The following LRSAM1 variants were observed in gnomAD, a reference collection of about 807,000 sequenced individuals.
LRSAM1 encodes the protein E3 ubiquitin-protein ligase LRSAM1.
A neutral mutation model predicts 118.1 loss-of-function variants in LRSAM1; 96 were observed. The ratio of observed to expected loss-of-function variants is 0.81; its 90% CI spans 0.69 to 0.96. LRSAM1 has a LOEUF of 0.96. LRSAM1 is among the 40% of genes least tolerant of loss of function. The pLI is 0.00. For missense variants in LRSAM1, 804 were observed against 915.5 expected (o/e 0.88, Z 1.57); for synonymous variants, 322 against 364.2 (o/e 0.88, Z 1.32).
chr9:127,497,216 C>G (rs1389905157), intron 23 of LRSAM1, 37 bp from the exon 24 acceptor site: 1 of 1,609,620 alleles, frequency 6.2e-7, no homozygotes, highest in Non-Finnish European at 8.5e-7. Context: ...CGGGCTCCCG[C>G]CCAGGCCACA....
chr9:127,457,304 C>T lies in LRSAM1; in HGVS notation c.175-12C>T, dbSNP rs1167547039. On this transcript the variant is annotated splice_polypyrimidine_tract_variant and intron_variant, in intron 5 of 25. Coordinates refer to ENST00000300417, the MANE Select transcript of LRSAM1 (RefSeq NM_001005373.4). ...TCCTCAGCCCAGCATGGCCGCACATCTCTCCACACAGGTGCTGATCGTCCA... is the reference window on the plus strand; with the variant it reads ...TCCTCAGCCCAGCATGGCCGCACATTTCTCCACACAGGTGCTGATCGTCCA... The T allele has an allele frequency of 5.0e-6, 8 of 1,613,996 alleles. No individual in the cohort carries two copies. Among genetic ancestry groups the T allele is most frequent in the Admixed American group, 1.7e-5 (1 of 60,036 alleles).
At position 127,503,176 on chromosome 9, in the gene LRSAM1, C is replaced by A; in HGVS notation, c.*277C>A. 1 of 494,764 alleles carries A rather than the reference C, an allele frequency of 2.0e-6. No individual in the cohort carries two copies. Among genetic ancestry groups the A allele is most frequent in the Non-Finnish European group, 3.7e-6 (1 of 269,862 alleles). The allele number at this position is 494,764 out of a possible 1,614,324, so 30.6% of individuals were successfully genotyped here. On this transcript the variant is annotated 3_prime_UTR_variant, in exon 26 of 26. Coordinates refer to ENST00000300417, the MANE Select transcript of LRSAM1 (RefSeq NM_001005373.4). ...CGAGCCTGGGAGCCAGCGTCCCAGCCTAATCACGGATCTGCTGCCTCCCAG... is the reference window on the plus strand; with the variant it reads ...CGAGCCTGGGAGCCAGCGTCCCAGCATAATCACGGATCTGCTGCCTCCCAG...
At chr9:127,489,753 C>A (rs1038377329) in intron 19 of LRSAM1, among the ~76,000 whole-genome samples, 4 of 152,216 alleles carry the variant, frequency 2.6e-5, no homozygotes, top group Non-Finnish European at 4.4e-5. Context: ...GTCTTGCCAG[C>A]GAGGCGGGTC....
intron 23 of LRSAM1, among the ~76,000 whole-genome samples, chr9:127,496,828 G>A (rs547569733): frequency 2.0e-5 from 3 of 152,334 alleles, no homozygotes; most frequent in Admixed American, 1.3e-4. Context: ...AGGCCATGCC[G>A]CTCAGGCTCT....
At chr9:127,467,317 C>G (rs1452427177) in intron 9 of LRSAM1, among the ~76,000 whole-genome samples, 1 of 152,146 alleles carries the variant, frequency 6.6e-6, no homozygotes, top group Non-Finnish European at 1.5e-5. Context: ...GGGATAAATG[C>G]AGGGGCTTTA....
intron 2 of LRSAM1, among the ~76,000 whole-genome samples, chr9:127,452,480 G>A (rs1299730766): frequency 6.6e-6 from 1 of 152,192 alleles, no homozygotes; most frequent in Non-Finnish European, 1.5e-5. Context: ...TGAGGACTGG[G>A]TGTATGTCTT....
At chr9:127,454,048 TAGAA>T (rs1290827683) in intron 2 of LRSAM1, 1 of 287,796 alleles carries the variant, frequency 3.5e-6, no homozygotes, top group South Asian at 3.1e-5. Context: ...TGGAACTCAA[TAGAA>T]AGACGCAGCC....
chr9:127,457,816 G>T (rs955747228), intron 6 of LRSAM1, among the ~76,000 whole-genome samples: 2 of 152,312 alleles, frequency 1.3e-5, no homozygotes, highest in African/African-American at 4.8e-5. Context: ...GTTATGCGCA[G>T]ACCTGAGCTT....
At chr9:127,488,979 A>G (rs1347516732) in intron 18 of LRSAM1, among the ~76,000 whole-genome samples, 1 of 151,254 alleles carries the variant, frequency 6.6e-6, no homozygotes, top group African/African-American at 2.4e-5. Context: ...TTGTCATCCC[A>G]CCCTGCTCCT....
At chr9:127,490,113 C>T (rs1394365683) in intron 19 of LRSAM1, among the ~76,000 whole-genome samples, 2 of 152,044 alleles carry the variant, frequency 1.3e-5, no homozygotes, top group African/African-American at 2.4e-5. Flanking sequence ...CCCACCTACA[C>T]GGCTTGGTGG....
intron 8 of LRSAM1, among the ~76,000 whole-genome samples, chr9:127,461,482 C>G (rs546350572): frequency 1.6e-4 from 24 of 152,252 alleles, no homozygotes; most frequent in African/African-American, 5.5e-4. Context: ...GCCGTATGGC[C>G]GTATGGGGAG....
chr9:127,467,918 A>T, intron 10 of LRSAM1, 88 bp downstream of exon 10: 2 of 1,345,570 alleles, frequency 1.5e-6, no homozygotes, highest in Non-Finnish European at 1.0e-6. Flanking sequence ...GGAACAGCAG[A>T]GACAGAAATG....
intron 16 of LRSAM1, among the ~76,000 whole-genome samples, chr9:127,483,938 A>G (rs1457455298): frequency 6.6e-6 from 1 of 152,162 alleles, no homozygotes; most frequent in African/African-American, 2.4e-5. Flanking sequence ...CTGGTATTAC[A>G]GGCGTGAGCC....
intron 4 of LRSAM1, 110 bp downstream of exon 4, chr9:127,455,164 C>G (rs1242171917): frequency 9.3e-6 from 10 of 1,076,104 alleles, no homozygotes; most frequent in East Asian, 2.4e-5. Flanking sequence ...GCCAGAAGCT[C>G]TAGTCACGAG....
intron 10 of LRSAM1, among the ~76,000 whole-genome samples, 185 bp from the exon 11 acceptor site, chr9:127,473,616 G>C (rs1336963245): frequency 6.6e-6 from 1 of 152,212 alleles, no homozygotes; most frequent in Non-Finnish European, 1.5e-5. Context: ...GACATTTACT[G>C]AGCACCTGCC....
Position 127,502,917 on chromosome 9 carries a change from G to A in LRSAM1, c.*18G>A. ...GCAGCTGAGTGCTGCCCGCCCACCT[G>A]GGCCTGGTCCTAGCCCTGCCTCGGC... On this transcript the variant is annotated 3_prime_UTR_variant, in exon 26 of 26. Transcript: ENST00000300417. The A allele has an allele frequency of 1.3e-6, 2 of 1,581,232 alleles. No homozygotes were observed. Among genetic ancestry groups the A allele is most frequent in the Non-Finnish European group, 1.7e-6 (2 of 1,165,090 alleles).
In LRSAM1 at chr9:127,455,593, T is replaced by G. The variant is rs1464816052; in HGVS notation, c.147T>G (p.Phe49Leu). The part of the protein sequence containing the change: ...CELSEIPFGA[F>L]ATCKVLQKKV... ...TATCTTAGATTCCATTTGGAGCTTTTGCAACATGCAAAGTTCTGCAGAAGA... is the reference window on the plus strand; with the variant it reads ...TATCTTAGATTCCATTTGGAGCTTTGGCAACATGCAAAGTTCTGCAGAAGA... The change falls in exon 5 of 26, where the codon TTT (phenylalanine) becomes TTG (leucine). Residue 49 changes from phenylalanine (F) to leucine (L), a missense_variant. Coordinates refer to ENST00000300417, the MANE Select transcript of LRSAM1 (RefSeq NM_001005373.4). 8 of 1,613,858 alleles carry G rather than the reference T, an allele frequency of 5.0e-6. No individual in the cohort carries two copies. Among genetic ancestry groups the G allele is most frequent in the Non-Finnish European group, 5.9e-6 (7 of 1,180,040 alleles).
At chr9:127,487,528 C>A in intron 17 of LRSAM1, 148 bp from the exon 18 acceptor site, 2 of 698,612 alleles carry the variant, frequency 2.9e-6, no homozygotes, top group Non-Finnish European at 5.0e-6. Context: ...GTGTCTGTGG[C>A]CCACCCAGGG....
chr9:127,482,280 T>TTATA (rs1433864264), intron 15 of LRSAM1, among the ~76,000 whole-genome samples: 1 of 151,916 alleles, frequency 6.6e-6, no homozygotes, highest in Non-Finnish European at 1.5e-5. Flanking sequence ...GTAGCTGGGA[T>TTATA]TATAGGCGCA....
Sources: gnomAD v4.1 joint callset for allele counts (sites outside exome capture counted in the v4.1 genomes callset) on GRCh38, gnomAD v4.1.1 for gene constraint, MANE v1.5 for transcripts, NCBI Gene and HGNC (gene_info 2026-07-23, HGNC 2026-07-21) for gene names.